Variants in PXN observed in about 807,000 individuals in gnomAD.
PXN encodes the protein testicular tissue protein Li 134.
In PXN, 61 loss-of-function variants were observed where a neutral mutation model predicts 103.6. The observed-to-expected ratio is 0.59, with a 90% CI of 0.48 to 0.73. The LOEUF (loss-of-function observed/expected upper bound fraction) is 0.73. Among genes scored for constraint, PXN ranks in the 30% least tolerant of loss-of-function variants. The pLI is 0.00. For synonymous variants in PXN, 562 were observed against 607.8 expected, an observed-to-expected ratio of 0.92 and a Z score of 1.11; for missense variants, 1,274 against 1,460.3, an observed-to-expected ratio of 0.87 and a Z score of 2.08.
chr12:120,241,766 G>A (rs1416477329), intron 1 of PXN, among the ~76,000 whole-genome samples: 2 of 152,192 alleles, frequency 1.3e-5, no homozygotes, highest in Non-Finnish European at 2.9e-5. Flanking sequence ...CAAGGGCCGA[G>A]GGCCCACTGG....
intron 1 of PXN, among the ~76,000 whole-genome samples, chr12:120,260,038 G>A (rs1893630409): frequency 6.6e-6 from 1 of 152,164 alleles, no homozygotes; most frequent in Non-Finnish European, 1.5e-5. Context: ...AGGTGGCAAG[G>A]GACCACAGGG....
chr12:120,265,214 T>TGGGGGGG lies in PXN; in HGVS notation c.13+402_13+403insCCCCCCC. ...CGAGTTGGGCGGTCGATCTGTGAGG[T>TGGGGGGG]GGGGGTGGGGAGAGGTCTGCGAGGT... On this transcript the variant is annotated intron_variant, in intron 1 of 14. Coordinates refer to ENST00000637617, the MANE Select transcript of PXN (RefSeq NM_001385981.1). The surrounding 1 kb of genome is among the most constrained non-coding windows in gnomAD (Gnocchi z 5.7). Among the ~76,000 whole-genome samples the TGGGGGGG allele has an allele frequency of 2.1e-5, 1 of 48,122 alleles. No homozygotes were observed. Among genetic ancestry groups the TGGGGGGG allele is most frequent in the East Asian group, 5.4e-4 (1 of 1,846 alleles). 31.6% of individuals were successfully genotyped at this position (48,122 alleles called of 152,430 possible).
At chr12:120,234,824 C>G (rs1156449334) in intron 1 of PXN, among the ~76,000 whole-genome samples, 1 of 152,200 alleles carries the variant, frequency 6.6e-6, no homozygotes, top group Non-Finnish European at 1.5e-5. Context: ...CTCTGACACA[C>G]AGGAGACACT....
chr12:120,211,957 C>T lies in PXN; in HGVS notation c.*357G>A, dbSNP rs763443985. ...AGACCCTGCCTGCCCTTCCCTGCCCCCCGGCTGCACTGCTGAAATATGAGG... is the reference window on the plus strand; with the variant it reads ...AGACCCTGCCTGCCCTTCCCTGCCCTCCGGCTGCACTGCTGAAATATGAGG... On this transcript the variant is annotated 3_prime_UTR_variant, in exon 15 of 15. Coordinates refer to ENST00000637617, the MANE Select transcript of PXN (RefSeq NM_001385981.1). 1 of 559,814 alleles carries T rather than the reference C, an allele frequency of 1.8e-6. No homozygotes were observed. The highest frequency in any genetic ancestry group is 1.9e-5 in the Admixed American group (1 of 52,760). 34.7% of individuals were successfully genotyped at this position (559,814 alleles called of 1,614,324 possible).
At chr12:120,247,374 T>C (rs1424747202) in intron 1 of PXN, 2 of 152,288 alleles carry the variant, frequency 1.3e-5, no homozygotes, top group African/African-American at 2.4e-5. Context: ...AACTCTGGTG[T>C]GCCCTCGCCT....
Position 120,222,497 on chromosome 12 carries a change from G to A in PXN, c.695+52C>T. ...CTAAGGGGACAGACACTGGACCCGG[G>A]GCAGGCTGGGCCAGCCCTTCCCCAC... On this transcript the variant is annotated intron_variant, in intron 5 of 14. Transcript: ENST00000637617. The surrounding 1 kb of genome is among the most constrained non-coding windows in gnomAD (Gnocchi z 4.7). 6.6e-7 allele frequency: 1 copy of A among 1,522,850 alleles called. No individual in the cohort carries two copies. The highest frequency in any genetic ancestry group is 1.4e-5 in the African/African-American group (1 of 72,186). 94.3% of individuals were successfully genotyped at this position (1,522,850 alleles called of 1,614,324 possible).
intron 1 of PXN, among the ~76,000 whole-genome samples, chr12:120,248,973 C>A (rs980220974): frequency 1.5e-4 from 23 of 152,062 alleles, no homozygotes; most frequent in Middle Eastern, 3.4e-3. Flanking sequence ...TCCATCTCTA[C>A]TAAAAATACA....
intron 1 of PXN, chr12:120,226,853 G>A (rs1886980586): frequency 2.0e-6 from 2 of 1,006,096 alleles, no homozygotes; most frequent in Non-Finnish European, 2.4e-6. Flanking sequence ...AAGTACTGGT[G>A]TGAGGTTTAT....
In PXN at chr12:120,222,551, G is replaced by T; in HGVS notation, c.693C>A (p.Pro231=). ...GGGAGGGCCCAGTGGGTACTCACACGGGGCTGGGCACGGAGCTCTCCAGTT... is the reference window on the plus strand; with the variant it reads ...GGGAGGGCCCAGTGGGTACTCACACTGGGCTGGGCACGGAGCTCTCCAGTT... ...LDELESSVPS[P]VPAITVNQGE... Residue 231 remains proline, a splice_region_variant and synonymous_variant, in exon 5 of 15, where the codon CCC becomes CCA. Coordinates refer to ENST00000637617, the MANE Select transcript of PXN (RefSeq NM_001385981.1). This position sits in a 1 kb window ranked among gnomAD's most constrained non-coding sequence, Gnocchi z 4.7. 1 of 1,594,218 alleles carries T rather than the reference G, an allele frequency of 6.3e-7. No individual in the cohort carries two copies. The highest frequency in any genetic ancestry group is 8.5e-7 in the Non-Finnish European group (1 of 1,171,132).
In PXN at chr12:120,212,205, T is replaced by C; in HGVS notation, c.*109A>G. 6.9e-7 allele frequency: 1 copy of C among 1,442,428 alleles called. No homozygotes were observed. Among genetic ancestry groups the C allele is most frequent in the Non-Finnish European group, 9.4e-7 (1 of 1,067,798 alleles). The allele number at this position is 1,442,428 out of a possible 1,614,324, so 89.4% of individuals were successfully genotyped here. ...ATCCCGCACCAGCGGAGGACAAGGG[T>C]TCCAGTTTCAGTCGGGTTTACCCCT... On this transcript the variant is annotated 3_prime_UTR_variant, in exon 15 of 15. Coordinates refer to ENST00000637617, the MANE Select transcript of PXN (RefSeq NM_001385981.1). This position sits in a 1 kb window ranked among gnomAD's most constrained non-coding sequence, Gnocchi z 7.2.
At chr12:120,244,697 C>T (rs182704543) in intron 1 of PXN, among the ~76,000 whole-genome samples, 1,982 of 150,424 alleles carry the variant, frequency 0.013, 23 homozygotes, top group Non-Finnish European at 0.023. Context: ...GTGGCAGACG[C>T]TTGTAATCCC....
In PXN at chr12:120,225,035, C is replaced by T. The variant is rs1039285169; in HGVS notation, c.14-658G>A. 7.8e-5 allele frequency: 20 copies of T among 256,546 alleles called. No homozygotes were observed. Among genetic ancestry groups the T allele is most frequent in the Non-Finnish European group, 3.2e-5 (4 of 124,782 alleles). 15.9% of individuals were successfully genotyped at this position (256,546 alleles called of 1,614,324 possible). A position where few individuals can be genotyped will look rare whatever the true frequency, so the allele number is the denominator to read the frequency against. On this transcript the variant is annotated intron_variant, in intron 1 of 14. Transcript: ENST00000637617. The surrounding 1 kb of genome is among the most constrained non-coding windows in gnomAD (Gnocchi z 4.4). Reference sequence around the variant, plus strand: ...AAGACTGCTCCATTGGCTGTTTCTGCGGAAGTCTGGCAAGCAGCCCGGCCC... The same window carrying T: ...AAGACTGCTCCATTGGCTGTTTCTGTGGAAGTCTGGCAAGCAGCCCGGCCC...
In PXN at chr12:120,219,624, G is replaced by A; in HGVS notation, c.1299C>T (p.Ala433=). The A allele has an allele frequency of 6.4e-7, 1 of 1,569,034 alleles. No homozygotes were observed. The highest frequency in any genetic ancestry group is 1.1e-5 in the South Asian group (1 of 87,848). Residue 433 remains alanine (A), a synonymous_variant, in exon 7 of 15, where the codon GCC becomes GCT. Transcript: ENST00000637617. This position sits in a 1 kb window ranked among gnomAD's most constrained non-coding sequence, Gnocchi z 6.5. The part of the protein sequence containing the change: ...SPSCPEEALA[A]TWEQPWASEV... ...CCGAAGCCCATGGCTGCTCCCATGT[G>A]GCAGCCAAGGCCTCCTCTGGGCACG...
intron 1 of PXN, among the ~76,000 whole-genome samples, chr12:120,261,163 A>C (rs1346430916): frequency 6.6e-6 from 1 of 152,252 alleles, no homozygotes; most frequent in African/African-American, 2.4e-5. Context: ...CAGTGCCTGC[A>C]CATAATAAGA....
At position 120,215,131 on chromosome 12, in the gene PXN, C is replaced by A. The variant is rs1882268407; in HGVS notation, c.2546G>T (p.Gly849Val). 10 of 1,574,110 alleles carry A rather than the reference C, an allele frequency of 6.4e-6. No homozygotes were observed. In the South Asian group the frequency reaches 1.2e-4, roughly 19 times the overall value. Residue 849 changes from glycine (G) to valine (V), a missense_variant, in exon 11 of 15, where the codon GGG (glycine) becomes GTG (valine). By Grantham distance (109) the Gly-to-Val change is moderately radical (BLOSUM62 -3). Around this residue, in one of 2 missense-constraint regions of PXN, gnomAD observed 1,178 missense variants for 1,309.0 expected, o/e 0.90. Coordinates refer to ENST00000637617, the MANE Select transcript of PXN (RefSeq NM_001385981.1). The surrounding 1 kb of genome is among the most constrained non-coding windows in gnomAD (Gnocchi z 4.9). ...GVATVAKGVC[G>V]ACKKPIAGQV... ...CCCGGCGATGGGCTTCTTGCAGGCC[C>A]CGCAGACTCCTTTGGCGACTGTGGC... is the stretch of plus-strand genomic sequence containing the variant.
chr12:120,256,571 G>A (rs1189889065), intron 1 of PXN, among the ~76,000 whole-genome samples: 6 of 151,998 alleles, frequency 3.9e-5, no homozygotes, highest in Non-Finnish European at 2.9e-5. Flanking sequence ...AGATGGGGAC[G>A]TGGGGGGTGG....
rs1566343422 is a variant in PXN, at chr12:120,212,288, G to GGGGGGCAGAGAC, written c.*14_*25dup. ...GCAGTTGGGGATGCTGGCTGGGGAAGGGGGGCAGAGACAGGGGCAGGGCAC... is the reference window on the plus strand; with the variant it reads ...GCAGTTGGGGATGCTGGCTGGGGAAGGGGGGCAGAGACGGGGGCAGAGACAGGGGCAGGGCAC... On this transcript the variant is annotated 3_prime_UTR_variant, in exon 15 of 15. Transcript: ENST00000637617. The surrounding 1 kb of genome is among the most constrained non-coding windows in gnomAD (Gnocchi z 7.2). 1 of 1,602,262 alleles carries GGGGGGCAGAGAC rather than the reference G, an allele frequency of 6.2e-7. No individual in the cohort carries two copies. Among genetic ancestry groups the GGGGGGCAGAGAC allele is most frequent in the Admixed American group, 1.7e-5 (1 of 59,628 alleles).
chr12:120,231,851 A>G (rs186307145), intron 1 of PXN, among the ~76,000 whole-genome samples: 6 of 152,314 alleles, frequency 3.9e-5, no homozygotes, highest in African/African-American at 4.8e-5. Flanking sequence ...GGCACACACA[A>G]GGCCCACCCA....
At position 120,219,397 on chromosome 12, in the gene PXN, G is replaced by A. The variant is rs774920526; in HGVS notation, c.1526C>T (p.Thr509Met). 38 of 1,598,278 alleles carry A rather than the reference G, an allele frequency of 2.4e-5. No homozygotes were observed. The highest frequency in any genetic ancestry group is 1.3e-4 in the East Asian group (6 of 44,894). Reference protein sequence around the residue: ...LGSSSPASVTTEQLGAKMTER... With the variant: ...LGSSSPASVTMEQLGAKMTER... ...GGTCATCTTTGCACCTAGCTGCTCC[G>A]TGGTAACTGAGGCAGGGGAGCTGCT... The change falls in exon 7 of 15, where the codon ACG becomes ATG. Residue 509 changes from threonine to methionine, a missense_variant. Transcript: ENST00000637617. The surrounding 1 kb of genome is among the most constrained non-coding windows in gnomAD (Gnocchi z 6.5).
Sources: allele counts gnomAD v4.1 joint callset (sites outside exome capture counted in the v4.1 genomes callset), GRCh38; gene constraint gnomAD v4.1.1; regional missense constraint gnomAD v4.1.1; non-coding constraint Gnocchi (gnomAD v3.1); transcripts MANE v1.5; gene names NCBI Gene and HGNC (gene_info 2026-07-23, HGNC 2026-07-21).